Variants in NTN1 observed in about 807,000 individuals in gnomAD.
NTN1 encodes netrin-1.
In NTN1, 11 loss-of-function variants were observed where a neutral mutation model predicts 54.2. The ratio of observed to expected loss-of-function variants is 0.20; its 90% CI spans 0.13 to 0.34. The LOEUF is 0.34. NTN1 is among the 10% of genes least tolerant of loss of function. NTN1 has a pLI of 1.00. For synonymous variants in NTN1, 371 were observed against 382.0 expected (o/e 0.97, Z 0.33); for missense variants, 740 against 893.1 (o/e 0.83, Z 2.18).
At chr17:9,142,631 C>G (rs1256025090) in intron 2 of NTN1, among the ~76,000 whole-genome samples, 2 of 152,102 alleles carry the variant, frequency 1.3e-5, no homozygotes, top group African/African-American at 4.8e-5. Flanking sequence ...TGACACATCT[C>G]AAGGACTGAT....
At chr17:9,104,787 G>A (rs1215744091) in intron 2 of NTN1, among the ~76,000 whole-genome samples, 2 of 152,088 alleles carry the variant, frequency 1.3e-5, no homozygotes, top group Non-Finnish European at 2.9e-5. Flanking sequence ...TAGGCGGGGC[G>A]ATTTGGCCCA....
chr17:9,185,007 G>A (rs1354934637), intron 5 of NTN1, among the ~76,000 whole-genome samples: 1 of 152,188 alleles, frequency 6.6e-6, no homozygotes, highest in Non-Finnish European at 1.5e-5. Flanking sequence ...ACCTTTAAAA[G>A]CATGGTTTAA....
intron 6 of NTN1, among the ~76,000 whole-genome samples, chr17:9,226,645 C>T (rs1176638082): frequency 2.6e-5 from 4 of 152,014 alleles, no homozygotes; most frequent in Non-Finnish European, 5.9e-5. Context: ...GGAGGAGAGC[C>T]GCCAGGGAGG....
intron 5 of NTN1, among the ~76,000 whole-genome samples, chr17:9,202,958 G>A (rs1203532579): frequency 6.6e-6 from 1 of 151,842 alleles, no homozygotes; most frequent in Non-Finnish European, 1.5e-5. Context: ...GTCTCTCTCT[G>A]TCGGCCAGGC....
chr17:9,222,845 A>G (rs1030585523), intron 6 of NTN1, among the ~76,000 whole-genome samples: 13 of 152,204 alleles, frequency 8.5e-5, no homozygotes, highest in Admixed American at 3.9e-4. Flanking sequence ...AAAGGTATCT[A>G]AAGGAATCTG....
intron 2 of NTN1, among the ~76,000 whole-genome samples, chr17:9,040,280 A>G (rs922425496): frequency 1.3e-5 from 2 of 152,170 alleles, no homozygotes; most frequent in African/African-American, 4.8e-5. Flanking sequence ...CTTTTATGCT[A>G]TTCAGTAAGG....
intron 5 of NTN1, among the ~76,000 whole-genome samples, chr17:9,200,916 A>G (rs1056613396): frequency 6.6e-6 from 1 of 152,218 alleles, no homozygotes; most frequent in African/African-American, 2.4e-5. Context: ...AGCCAGTGGC[A>G]GGCGTCACTA....
intron 2 of NTN1, 53 bp downstream of exon 2, chr17:9,023,444 C>T: frequency 7.5e-7 from 1 of 1,337,928 alleles, no homozygotes; most frequent in Non-Finnish European, 9.5e-7. Flanking sequence ...CGGGCGGGAG[C>T]TGCTGGGCCT....
At chr17:9,106,674 C>T (rs544113766) in intron 2 of NTN1, among the ~76,000 whole-genome samples, 30 of 151,980 alleles carry the variant, frequency 2.0e-4, no homozygotes, top group Non-Finnish European at 3.8e-4. Flanking sequence ...CCACCATGCC[C>T]GGCTAATTTT....
chr17:9,083,424 GGAT>G (rs1463176211), intron 2 of NTN1, among the ~76,000 whole-genome samples: 1 of 152,226 alleles, frequency 6.6e-6, no homozygotes, highest in Non-Finnish European at 1.5e-5. Flanking sequence ...AATCCAGTCA[GGAT>G]GATTCCATGC....
chr17:9,056,299 T>C (rs144922787), intron 2 of NTN1, among the ~76,000 whole-genome samples: 17,844 of 152,188 alleles, frequency 0.12, 1,385 homozygotes, highest in Non-Finnish European at 0.17. Context: ...TCAAGTGATC[T>C]GCCTGCCTTG....
chr17:9,109,066 G>A (rs1253294749), intron 2 of NTN1, among the ~76,000 whole-genome samples: 1 of 152,060 alleles, frequency 6.6e-6, no homozygotes, highest in East Asian at 1.9e-4. Flanking sequence ...TAGTAGAGAC[G>A]GGGTTTCACC....
At chr17:9,030,697 A>G (rs1357053562) in intron 2 of NTN1, among the ~76,000 whole-genome samples, 2 of 152,136 alleles carry the variant, frequency 1.3e-5, no homozygotes, top group Non-Finnish European at 2.9e-5. Context: ...GTGAGCCAAG[A>G]TCACGCCACT....
At chr17:9,028,274 T>C (rs2091877681) in intron 2 of NTN1, among the ~76,000 whole-genome samples, 1 of 152,174 alleles carries the variant, frequency 6.6e-6, no homozygotes, top group Admixed American at 6.5e-5. Flanking sequence ...GCCACTGGTG[T>C]GGTGCCGCTA....
chr17:9,097,631 A>G (rs1220265541), intron 2 of NTN1, among the ~76,000 whole-genome samples: 3 of 152,206 alleles, frequency 2.0e-5, no homozygotes, highest in Non-Finnish European at 4.4e-5. Context: ...TCAAAAAACA[A>G]AAAAAGAAAA....
At chr17:9,039,141 G>C (rs1405289255) in intron 2 of NTN1, among the ~76,000 whole-genome samples, 1 of 152,018 alleles carries the variant, frequency 6.6e-6, no homozygotes, top group Non-Finnish European at 1.5e-5. Context: ...CTATCTGTTT[G>C]GATATTTCAG....
intron 6 of NTN1, among the ~76,000 whole-genome samples, chr17:9,229,098 CTGTGACTGTGAG>C (rs1905716716): frequency 4.2e-4 from 1 of 2,354 alleles, no homozygotes; most frequent in Non-Finnish European, 8.4e-4. Flanking sequence ...GTGACTGAGA[CTGTGACTGTGAG>C]TGTGTGACTG....
intron 2 of NTN1, among the ~76,000 whole-genome samples, chr17:9,067,338 C>T (rs1044197288): frequency 6.6e-6 from 1 of 151,804 alleles, no homozygotes; most frequent in Non-Finnish European, 1.5e-5. Flanking sequence ...TTAAATACAG[C>T]TTCAAGTGTG....
intron 5 of NTN1, among the ~76,000 whole-genome samples, chr17:9,190,843 C>T (rs1321949765): frequency 4.0e-5 from 6 of 151,206 alleles, no homozygotes; most frequent in Non-Finnish European, 4.4e-5. Context: ...CAGAGCAGGA[C>T]TGTGTCTGGA....
Sources: gnomAD v4.1 joint callset for allele counts (sites outside exome capture counted in the v4.1 genomes callset) on GRCh38, gnomAD v4.1.1 for gene constraint, MANE v1.5 for transcripts, NCBI Gene and HGNC (gene_info 2026-07-23, HGNC 2026-07-21) for gene names.